Variants in TRIM34 observed in about 807,000 individuals in gnomAD.
TRIM34 encodes E3 ubiquitin-protein ligase TRIM34.
A neutral mutation model predicts 38.1 loss-of-function variants in TRIM34; 41 were observed. The ratio of observed to expected loss-of-function variants is 1.08; its 90% confidence interval spans 0.84 to 1.40. The LOEUF is 1.40. Ranked by LOEUF, TRIM34 falls within the 40% of genes most tolerant of loss-of-function variation. The probability of loss-of-function intolerance (pLI) is 0.00; values close to 1 mark genes in which losing one functional copy is unlikely to be tolerated. For missense variants in TRIM34, 556 were observed against 571.4 expected (o/e 0.97, Z 0.27); for synonymous variants, 200 against 202.5 (o/e 0.99, Z 0.10).
At chr11:5,627,694 A>G (rs1240492258) in intron 1 of TRIM34, among the ~76,000 whole-genome samples, 1 of 152,218 alleles carries the variant, frequency 6.6e-6, no homozygotes, top group Admixed American at 6.5e-5. Flanking sequence ...GCAAGAACTC[A>G]GTGCACAGAG....
rs1283724706 is a variant in TRIM34, at chr11:5,632,522, C to T, written c.191C>T (p.Ser64Leu). ...TGTCCTGTGTGTGGTATCAGTTACT[C>T]ATTTGAACATCTACAGGCTAATCAG... ...SSCPVCGISY[S>L]FEHLQANQHL... The change falls in exon 2 of 8, where the codon TCA (serine) becomes TTA (leucine). Residue 64 changes from serine (S) to leucine (L), a missense_variant. Physicochemically the swap from Ser to Leu is moderately radical, Grantham distance 145. Coordinates refer to ENST00000429814, the MANE Select transcript of TRIM34 (RefSeq NM_021616.6). 2 of 1,613,938 alleles carry T rather than the reference C, an allele frequency of 1.2e-6. No homozygotes were observed. Among genetic ancestry groups the T allele is most frequent in the Admixed American group, 1.7e-5 (1 of 59,976 alleles).
chr11:5,632,905 C>A, intron 2 of TRIM34, 151 bp downstream of exon 2: 1 of 1,095,012 alleles, frequency 9.1e-7, no homozygotes, highest in African/African-American at 1.7e-5. Flanking sequence ...CGGCTCACTG[C>A]AACCTCTGCC....
intron 3 of TRIM34, 83 bp from the exon 4 acceptor site, chr11:5,634,548 T>G: frequency 1.0e-6 from 1 of 987,928 alleles, no homozygotes; most frequent in Non-Finnish European, 1.4e-6. Context: ...TATATATATA[T>G]TTCCCTACTG....
chr11:5,624,119 T>C (rs1849103236), upstream of TRIM34, among the ~76,000 whole-genome samples: 1 of 152,200 alleles, frequency 6.6e-6, no homozygotes, highest in Admixed American at 6.5e-5. Flanking sequence ...CAAGGTTACC[T>C]CAGTTTCAAA....
At position 5,632,393 on chromosome 11, in the gene TRIM34, T is replaced by G. The variant is rs754658893; in HGVS notation, c.62T>G (p.Leu21Arg). ...GTGACCTGTCCCATCTGCCTGGAGCTGTTGACAGAACCCTTGAGTCTAGAC... is the reference window on the plus strand; with the variant it reads ...GTGACCTGTCCCATCTGCCTGGAGCGGTTGACAGAACCCTTGAGTCTAGAC... ...EEVTCPICLE[L>R]LTEPLSLDCG... The change falls in exon 2 of 8, where the codon CTG becomes CGG. Residue 21 changes from leucine to arginine, a missense_variant. Leu to Arg is a moderately radical substitution (Grantham distance 102, BLOSUM62 -2). Coordinates refer to ENST00000429814, the MANE Select transcript of TRIM34 (RefSeq NM_021616.6). 2 of 1,614,080 alleles carry G rather than the reference T, an allele frequency of 1.2e-6. No homozygotes were observed. The highest frequency in any genetic ancestry group is 1.7e-6 in the Non-Finnish European group (2 of 1,180,016).
chr11:5,629,896 T>G (rs974358769), intron 1 of TRIM34, among the ~76,000 whole-genome samples: 1 of 152,054 alleles, frequency 6.6e-6, no homozygotes, highest in South Asian at 2.1e-4. Flanking sequence ...TTAGTAGAGA[T>G]GGGGTTTCAC....
At chr11:5,622,549 C>T (rs1401707592), upstream of TRIM34, among the ~76,000 whole-genome samples, 1 of 151,804 alleles carries the variant, frequency 6.6e-6, no homozygotes, top group Non-Finnish European at 1.5e-5. Flanking sequence ...ACCTGGGAGG[C>T]GGAGGTTGCG....
intron 2 of TRIM34, 22 bp downstream of exon 2, chr11:5,632,776 G>C (rs751676728): frequency 9.0e-6 from 14 of 1,555,944 alleles, no homozygotes; most frequent in Admixed American, 1.8e-5. Context: ...GATGGAGGGA[G>C]ATGGGGCAGA....
At position 5,636,158 on chromosome 11, in the gene TRIM34, T is replaced by C. The variant is rs377259791; in HGVS notation, c.750+1297T>C. Among the ~76,000 whole-genome samples, 516 of 152,320 alleles carry C rather than the reference T, an allele frequency of 3.4e-3. 2 individuals are homozygous for C. The highest frequency in any genetic ancestry group is 0.011 in the African/African-American group (471 of 41,566). ...TAAACTGATGATTGGATAAGCAAAA[T>C]GTGTTATATCCAAACAATGTAATAT... On this transcript the variant is annotated intron_variant, in intron 4 of 7. Transcript: ENST00000429814.
In TRIM34 at chr11:5,643,815, A is replaced by G; in HGVS notation, c.*106A>G. On this transcript the variant is annotated 3_prime_UTR_variant, in exon 8 of 8. Transcript: ENST00000429814. ...CTTCCTTGTGGTTTCCCTTCTTTAG[A>G]ACTTTTACTCATCCTTGAGATGTAT... The G allele has an allele frequency of 7.1e-7, 1 of 1,406,596 alleles. No individual in the cohort carries two copies. Among genetic ancestry groups the G allele is most frequent in the South Asian group, 1.4e-5 (1 of 70,050 alleles). 87.1% of individuals were successfully genotyped at this position (1,406,596 alleles called of 1,614,324 possible).
chr11:5,632,599 A>T lies in TRIM34; in HGVS notation c.268A>T (p.Asn90Tyr). 1 of 1,613,612 alleles carries T rather than the reference A, an allele frequency of 6.2e-7. No homozygotes were observed. Among genetic ancestry groups the T allele is most frequent in the South Asian group, 1.1e-5 (1 of 91,004 alleles). ...CAAGGAGGTCAAGTTGAGCCCAGAC[A>T]ATGGGAAGAAGAGAGATCTCTGTGA... ...RLKEVKLSPD[N>Y]GKKRDLCDHH... The change falls in exon 2 of 8, where the codon AAT (asparagine) becomes TAT (tyrosine). Residue 90 changes from asparagine (N) to tyrosine (Y), a missense_variant. Coordinates refer to ENST00000429814, the MANE Select transcript of TRIM34 (RefSeq NM_021616.6).
intron 4 of TRIM34, among the ~76,000 whole-genome samples, chr11:5,640,160 A>C (rs192816570): frequency 6.6e-6 from 1 of 152,322 alleles, no homozygotes; most frequent in Admixed American, 6.5e-5. Flanking sequence ...TACCATGTTA[A>C]ATAGAAGTAG....
chr11:5,633,619 C>T (rs1849587184), intron 2 of TRIM34, among the ~76,000 whole-genome samples, 185 bp from the exon 3 acceptor site: 1 of 152,206 alleles, frequency 6.6e-6, no homozygotes, highest in Admixed American at 6.5e-5. Flanking sequence ...TGATTTTCAT[C>T]ACAATGAATG....
chr11:5,638,259 C>T (rs1214678906), intron 4 of TRIM34, among the ~76,000 whole-genome samples: 3 of 152,080 alleles, frequency 2.0e-5, no homozygotes, highest in Non-Finnish European at 4.4e-5. Flanking sequence ...TTGCTATCAA[C>T]TAAAATCTGA....
At position 5,635,342 on chromosome 11, in the gene TRIM34, G is replaced by A. The variant is rs912581525; in HGVS notation, c.750+481G>A. Among the ~76,000 whole-genome samples, 8 of 147,496 alleles carry A rather than the reference G, an allele frequency of 5.4e-5. No individual in the cohort carries two copies. The East Asian group carries it at 1.4e-3, about 26-fold the overall frequency. On this transcript the variant is annotated intron_variant, in intron 4 of 7. Transcript: ENST00000429814. ...GCGATCTCGGCTCACTGCAAGCTCC[G>A]CCTCCCAGGTTCACGCCATTCTCCT...
intron 6 of TRIM34, 82 bp from the exon 7 acceptor site, chr11:5,642,735 G>A (rs909833142): frequency 7.0e-6 from 11 of 1,576,510 alleles, no homozygotes; most frequent in Non-Finnish European, 8.6e-6. Context: ...CCCTTCCCCT[G>A]TCCCTACTCT....
chr11:5,643,805 C>T lies in TRIM34; in HGVS notation c.*96C>T. The T allele has an allele frequency of 6.8e-7, 1 of 1,472,058 alleles. No homozygotes were observed. Among genetic ancestry groups the T allele is most frequent in the Middle Eastern group, 1.8e-4 (1 of 5,538 alleles). The allele number at this position is 1,472,058 out of a possible 1,614,324, so 91.2% of individuals were successfully genotyped here. ...CACACCATTGCTTCCTTGTGGTTTC[C>T]CTTCTTTAGAACTTTTACTCATCCT... On this transcript the variant is annotated 3_prime_UTR_variant, in exon 8 of 8. Transcript: ENST00000429814.
In TRIM34 at chr11:5,632,526, T is replaced by G. The variant is rs1387246488; in HGVS notation, c.195T>G (p.Phe65Leu). The G allele has an allele frequency of 5.6e-6, 9 of 1,614,030 alleles. No individual in the cohort carries two copies. Among genetic ancestry groups the G allele is most frequent in the Non-Finnish European group, 7.6e-6 (9 of 1,180,004 alleles). ...CTGTGTGTGGTATCAGTTACTCATTTGAACATCTACAGGCTAATCAGCATC... is the reference window on the plus strand; with the variant it reads ...CTGTGTGTGGTATCAGTTACTCATTGGAACATCTACAGGCTAATCAGCATC... ...SCPVCGISYS[F>L]EHLQANQHLA... The change falls in exon 2 of 8, where the codon TTT becomes TTG. Residue 65 changes from phenylalanine to leucine, a missense_variant. Phe to Leu is a conservative substitution (Grantham distance 22). Transcript: ENST00000429814.
rs371906099 is a variant in TRIM34, at chr11:5,641,167, G to C, written c.751G>C (p.Asp251His). Residue 251 changes from aspartate (D) to histidine (H), a missense_variant and splice_region_variant, in exon 5 of 8, where the codon GAC (aspartate) becomes CAC (histidine). Physicochemically the swap from Asp to His is moderately conservative, Grantham distance 81. Coordinates refer to ENST00000429814, the MANE Select transcript of TRIM34 (RefSeq NM_021616.6). ...SQWSTMELLQ[D>H]MSGIMKWSEI... ...CTCATGTTTTCTCTTTTCTTTCTAG[G>C]ACATGAGTGGAATCATGAAATGGTG... is the stretch of plus-strand genomic sequence containing the variant. 25 of 1,613,020 alleles carry C rather than the reference G, an allele frequency of 1.5e-5. No individual in the cohort carries two copies. The East Asian group carries it at 3.3e-4, about 22-fold the overall frequency.
Sources: gnomAD v4.1 joint callset for allele counts (sites outside exome capture counted in the v4.1 genomes callset) on GRCh38, gnomAD v4.1.1 for gene constraint, MANE v1.5 for transcripts, NCBI Gene and HGNC (gene_info 2026-07-23, HGNC 2026-07-21) for gene names.